Variants in COL4A2 observed in about 807,000 individuals in gnomAD.
COL4A2 encodes collagen alpha-2(IV) chain.
A neutral mutation model predicts 200.2 loss-of-function variants in COL4A2; 99 were observed. That is an observed-to-expected ratio of 0.49 (90% CI 0.42 to 0.58). The LOEUF (loss-of-function observed/expected upper bound fraction) is 0.58. Ranked by LOEUF, COL4A2 falls within the 20% of genes least tolerant of loss-of-function variation. The pLI, the probability that COL4A2 is intolerant of heterozygous loss-of-function variation, is 0.00. For missense variants in COL4A2, 1,950 were observed against 2,314.1 expected (o/e 0.84, Z 3.23); for synonymous variants, 897 against 900.6 (o/e 1.00, Z 0.07).
intron 3 of COL4A2, among the ~76,000 whole-genome samples, chr13:110,357,086 C>G (rs1877307644): frequency 6.6e-6 from 1 of 152,070 alleles, no homozygotes; most frequent in South Asian, 2.1e-4. Context: ...TTTAAAGACT[C>G]CTTGACCATA....
chr13:110,409,703 G>A (rs147958261), intron 4 of COL4A2, among the ~76,000 whole-genome samples: 15 of 152,322 alleles, frequency 9.8e-5, no homozygotes, highest in East Asian at 3.9e-4. Flanking sequence ...CCCAGGACCC[G>A]GGCTTCATGT....
chr13:110,458,997 CT>C (rs1261799692), intron 22 of COL4A2, 63 bp downstream of exon 22: 12 of 1,429,678 alleles, frequency 8.4e-6, no homozygotes, highest in Non-Finnish European at 1.1e-5. Flanking sequence ...GTGTCCCGTT[CT>C]TGCCTTTTAT....
chr13:110,318,628 C>G (rs772244636), intron 3 of COL4A2, among the ~76,000 whole-genome samples: 1 of 152,128 alleles, frequency 6.6e-6, no homozygotes, highest in South Asian at 2.1e-4. Flanking sequence ...GATGTTGGTG[C>G]GAGTATTCAA....
At chr13:110,383,548 A>G (rs960423510) in intron 4 of COL4A2, among the ~76,000 whole-genome samples, 1 of 151,716 alleles carries the variant, frequency 6.6e-6, no homozygotes, top group Admixed American at 6.6e-5. Context: ...TATACACATA[A>G]TAAACCAAGA....
chr13:110,443,098 C>A (rs1881193494), intron 16 of COL4A2, among the ~76,000 whole-genome samples: 1 of 152,218 alleles, frequency 6.6e-6, no homozygotes, highest in African/African-American at 2.4e-5. Context: ...CTCTGCAAAG[C>A]TTGAAGTGGC....
In COL4A2 at chr13:110,511,921, C is replaced by A. The variant is rs375187382; in HGVS notation, c.4882-13C>A. 4 of 1,613,240 alleles carry A rather than the reference C, an allele frequency of 2.5e-6. No homozygotes were observed. Among genetic ancestry groups the A allele is most frequent in the Non-Finnish European group, 3.4e-6 (4 of 1,180,010 alleles). The stretch of plus-strand genomic sequence containing the variant: ...GTGATTCCTAACCCTGTCCTGCCCC[C>A]CTCTCTGTGCAGCACACGGCGGCGG... On this transcript the variant is annotated splice_polypyrimidine_tract_variant and intron_variant, in intron 47 of 47. Coordinates refer to ENST00000360467, the MANE Select transcript of COL4A2 (RefSeq NM_001846.4).
At position 110,345,253 on chromosome 13, in the gene COL4A2, G is replaced by A. The variant is rs12428412; in HGVS notation, c.100-12219G>A. On this transcript the variant is annotated intron_variant, in intron 3 of 47. Transcript: ENST00000360467. ...CAAACGCAAGTTCTTTGCGAGGATG[G>A]AACTTCAGAGGTGTTCATACTCAAT... 6.7e-3 allele frequency among the ~76,000 whole-genome samples: 1,015 copies of A among 152,328 alleles called. 28 individuals carry two copies. The highest frequency in any genetic ancestry group is 0.036 in the South Asian group (176 of 4,826).
intron 29 of COL4A2, chr13:110,473,475 C>T: frequency 3.3e-6 from 1 of 304,908 alleles, no homozygotes; most frequent in Non-Finnish European, 6.0e-6. Context: ...AGAATCTGTA[C>T]AGGTGGTATG....
chr13:110,357,981 T>G (rs542360160), intron 4 of COL4A2, among the ~76,000 whole-genome samples: 1 of 152,350 alleles, frequency 6.6e-6, no homozygotes, highest in South Asian at 2.1e-4. Context: ...CCATCAACAC[T>G]GGGTCTTAGG....
rs779283893 is a variant in COL4A2, at chr13:110,504,196, T to TGTC, written c.4335_4337dup (p.Ser1446dup). On this transcript the variant is annotated inframe_insertion, in exon 45 of 48. Transcript: ENST00000360467. Reference sequence around the variant, plus strand: ...GCTGGGCCCCAAGGAAGAGGTGGTGTGTCTGCTGTTCCCGGCTTCCGGGGA... The same window carrying TGTC: ...GCTGGGCCCCAAGGAAGAGGTGGTGTGTCGTCTGCTGTTCCCGGCTTCCGGGGA... The TGTC allele has an allele frequency of 3.1e-6, 5 of 1,614,048 alleles. No individual in the cohort carries two copies. The Admixed American group carries it at 8.3e-5, about 27-fold the overall frequency.
chr13:110,371,941 C>T (rs1394500574), intron 4 of COL4A2, among the ~76,000 whole-genome samples: 2 of 152,062 alleles, frequency 1.3e-5, no homozygotes, highest in Non-Finnish European at 1.5e-5. Flanking sequence ...GGAATTGGCT[C>T]ATGGAGGGGA....
At chr13:110,311,311 A>G (rs993475065) in intron 3 of COL4A2, among the ~76,000 whole-genome samples, 27 of 152,196 alleles carry the variant, frequency 1.8e-4, no homozygotes, top group African/African-American at 6.3e-4. Context: ...CTGCTGTCCA[A>G]GGTGCCCTTT....
intron 3 of COL4A2, among the ~76,000 whole-genome samples, chr13:110,341,993 G>A (rs956537595): frequency 6.6e-6 from 1 of 152,196 alleles, no homozygotes; most frequent in Non-Finnish European, 1.5e-5. Flanking sequence ...TTGTTGCTTA[G>A]ACAGGACTCA....
chr13:110,394,624 TG>T (rs1314755345), intron 4 of COL4A2, among the ~76,000 whole-genome samples: 7 of 152,260 alleles, frequency 4.6e-5, no homozygotes, highest in Non-Finnish European at 5.9e-5. Flanking sequence ...GTCCATTTTC[TG>T]GCCAATATTC....
chr13:110,500,832 C>T (rs912837551), intron 40 of COL4A2, among the ~76,000 whole-genome samples: 3 of 152,204 alleles, frequency 2.0e-5, no homozygotes, highest in Admixed American at 6.5e-5. Context: ...AATGCAGCTT[C>T]TCTTACATAT....
At position 110,469,321 on chromosome 13, in the gene COL4A2, C is replaced by T. The variant is rs761169216; in HGVS notation, c.2200C>T (p.Pro734Ser). 241 of 1,577,614 alleles carry T rather than the reference C, an allele frequency of 1.5e-4. No individual in the cohort carries two copies. The highest frequency in any genetic ancestry group is 2.0e-4 in the Non-Finnish European group (230 of 1,161,478). ...AGGTCGTGAAGGGTTCCCAGGACCC[C>T]CAGGTGAGTTGAGATCAGACCCCCA... ...DAGREGFPGP[P>S]GFIGPRGSKG... is the part of the protein sequence containing the mutation. Residue 734 changes from proline to serine, a missense_variant, in exon 28 of 48, where the codon CCA (proline) becomes TCA (serine). By Grantham distance (74) the Pro-to-Ser change is moderately conservative. Around this residue, in one of 2 missense-constraint regions of COL4A2, gnomAD observed 1,385 missense variants for 1,720.5 expected, o/e 0.80. Transcript: ENST00000360467.
chr13:110,370,838 A>C (rs1877973175), intron 4 of COL4A2, among the ~76,000 whole-genome samples: 2 of 152,198 alleles, frequency 1.3e-5, no homozygotes, highest in Non-Finnish European at 2.9e-5. Flanking sequence ...GAGATTTCTA[A>C]ATGCTAATTC....
rs117697405 is a variant in COL4A2, at chr13:110,369,071, G to A, written c.180+11519G>A. Among the ~76,000 whole-genome samples the A allele has an allele frequency of 2.0e-3, 298 of 152,228 alleles. 10 individuals carry two copies. In the East Asian group the frequency reaches 0.047, roughly 24 times the overall value. ...AAAATACAAAACAATTTAGCTGGGC[G>A]TGGTGGCACGCCACCTGTAGTCCCA... On this transcript the variant is annotated intron_variant, in intron 4 of 47. Coordinates refer to ENST00000360467, the MANE Select transcript of COL4A2 (RefSeq NM_001846.4).
intron 16 of COL4A2, among the ~76,000 whole-genome samples, chr13:110,440,774 G>A (rs912153670): frequency 3.0e-4 from 45 of 152,090 alleles, no homozygotes; most frequent in Non-Finnish European, 5.6e-4. Context: ...CGCCTCCTAC[G>A]GCAGGCCCGG....
Sources: gnomAD v4.1 joint callset for allele counts (sites outside exome capture counted in the v4.1 genomes callset) on GRCh38, gnomAD v4.1.1 for gene constraint, gnomAD v4.1.1 regional missense constraint, MANE v1.5 for transcripts, NCBI Gene and HGNC (gene_info 2026-07-23, HGNC 2026-07-21) for gene names.